Variants in ZNF366 observed in about 807,000 individuals in gnomAD.
The protein encoded by ZNF366 is dendritic cell-specific transcript protein.
ZNF366 carries 20 observed loss-of-function variants against 47.2 expected under a neutral mutation model. That is an observed-to-expected ratio of 0.42 (90% CI 0.30 to 0.62). The LOEUF is 0.62. ZNF366 is among the 20% of genes least tolerant of loss of function. The pLI is 0.16. For synonymous variants in ZNF366, 421 were observed against 395.1 expected (o/e 1.07, Z -0.78); for missense variants, 987 against 976.3 (o/e 1.01, Z -0.15).
At chr5:72,468,295 C>A (rs1329192853) in intron 1 of ZNF366, among the ~76,000 whole-genome samples, 1 of 152,160 alleles carries the variant, frequency 6.6e-6, no homozygotes, top group Non-Finnish European at 1.5e-5. Flanking sequence ...CTGGGCCAGG[C>A]CCCAGGACCC....
chr5:72,478,719 G>C (rs1317413946), intron 1 of ZNF366, among the ~76,000 whole-genome samples: 1 of 152,126 alleles, frequency 6.6e-6, no homozygotes, highest in Admixed American at 6.5e-5. Flanking sequence ...AAAGATTTTT[G>C]CAAAGGGTGG....
chr5:72,477,116 AT>A (rs1743689993), intron 1 of ZNF366, among the ~76,000 whole-genome samples: 1 of 152,186 alleles, frequency 6.6e-6, no homozygotes, highest in South Asian at 2.1e-4. Context: ...TTTCTTTACA[AT>A]ATTAAAAAAA....
chr5:72,460,027 G>C, intron 2 of ZNF366, 138 bp downstream of exon 2: 1 of 1,206,116 alleles, frequency 8.3e-7, no homozygotes, highest in Non-Finnish European at 1.1e-6. Flanking sequence ...GCTCGGCCAA[G>C]GGACCGCTTG....
rs541244615 is a variant in ZNF366 at position 72,461,663 on chromosome 5, C to T, written c.-14-153G>A. On this transcript the variant is annotated intron_variant, in intron 1 of 4. Coordinates refer to ENST00000318442, the MANE Select transcript of ZNF366 (RefSeq NM_152625.3). The stretch of plus-strand genomic sequence containing the variant: ...TTTATCCTAGGGCTGTTCAAAATAT[C>T]GCTTTTCTTTCTCCTTGCAAACCCA... Among the ~76,000 whole-genome samples the T allele has an allele frequency of 5.3e-5, 8 of 152,224 alleles. No homozygotes were observed. In the East Asian group the frequency reaches 9.7e-4, roughly 18 times the overall value.
In ZNF366 at chr5:72,494,912, T is replaced by C. The variant is rs137891179; in HGVS notation, c.-15+12339A>G. ...AATGTAATTTAAGGCACATTTATCA[T>C]GTAAACTGAAACTCACTGTAACTTA... is the stretch of plus-strand genomic sequence containing the variant. On this transcript the variant is annotated intron_variant, in intron 1 of 4. Coordinates refer to ENST00000318442, the MANE Select transcript of ZNF366 (RefSeq NM_152625.3). Among the ~76,000 whole-genome samples the C allele has an allele frequency of 1.1e-4, 17 of 152,330 alleles. No individual in the cohort carries two copies. In the East Asian group the frequency reaches 2.5e-3, roughly 22 times the overall value.
intron 1 of ZNF366, among the ~76,000 whole-genome samples, chr5:72,485,180 CA>C (rs1743869518): frequency 6.6e-6 from 1 of 152,174 alleles, no homozygotes; most frequent in Non-Finnish European, 1.5e-5. Flanking sequence ...TATTTTTCAA[CA>C]TTGACACTCA....
At chr5:72,503,483 G>A (rs868243401) in intron 1 of ZNF366, among the ~76,000 whole-genome samples, 20 of 152,082 alleles carry the variant, frequency 1.3e-4, no homozygotes, top group African/African-American at 4.8e-4. Flanking sequence ...CCCATGAAGT[G>A]GACAGGGCAG....
At chr5:72,464,607 G>C (rs532539754) in intron 1 of ZNF366, among the ~76,000 whole-genome samples, 1 of 151,900 alleles carries the variant, frequency 6.6e-6, no homozygotes, top group Non-Finnish European at 1.5e-5. Flanking sequence ...GTCCCCAAAT[G>C]CAGAGAATTT....
intron 1 of ZNF366, among the ~76,000 whole-genome samples, chr5:72,502,761 T>A (rs554957839): frequency 1.3e-5 from 2 of 152,236 alleles, no homozygotes; most frequent in Non-Finnish European, 2.9e-5. Flanking sequence ...GCTTAGTATC[T>A]GTGTTTTTCT....
At chr5:72,444,501 C>T (rs1055478390) in intron 4 of ZNF366, among the ~76,000 whole-genome samples, 3 of 152,130 alleles carry the variant, frequency 2.0e-5, no homozygotes, top group African/African-American at 7.2e-5. Context: ...CAACATGCAC[C>T]AAAAGCTTTA....
chr5:72,465,017 C>G (rs748556195), intron 1 of ZNF366, among the ~76,000 whole-genome samples: 2 of 151,858 alleles, frequency 1.3e-5, no homozygotes, highest in African/African-American at 2.4e-5. Flanking sequence ...GAGATTGCAC[C>G]ACTGCACTCT....
At chr5:72,491,267 C>T (rs1295375524) in intron 1 of ZNF366, among the ~76,000 whole-genome samples, 1 of 152,204 alleles carries the variant, frequency 6.6e-6, no homozygotes, top group Admixed American at 6.5e-5. Flanking sequence ...TATCTGACAA[C>T]TTTGGGAACC....
intron 1 of ZNF366, among the ~76,000 whole-genome samples, chr5:72,481,633 T>C (rs906351723): frequency 6.6e-6 from 1 of 152,232 alleles, no homozygotes; most frequent in South Asian, 2.1e-4. Flanking sequence ...AATTTATACT[T>C]ATATTACTCA....
intron 1 of ZNF366, among the ~76,000 whole-genome samples, chr5:72,462,547 C>CTTTCTTTCTTTCTTTCTTTTTTTCT (rs11275151): frequency 2.4e-4 from 19 of 78,932 alleles, no homozygotes; most frequent in African/African-American, 1.1e-3. Flanking sequence ...TTCTTTCTTT[C>CTTTCTTTCTTTCTTTCTTTTTTTCT]TTTTTTTTTT....
Position 72,440,860 on chromosome 5 carries a change from T to C in ZNF366, c.*2896A>G, listed in dbSNP as rs1400507487. ...TATTAACCATCAGGTTAGATCTAATTAAGTGTCTTATGCCCAGAGTCAACA... is the reference window on the plus strand; with the variant it reads ...TATTAACCATCAGGTTAGATCTAATCAAGTGTCTTATGCCCAGAGTCAACA... On this transcript the variant is annotated 3_prime_UTR_variant, in exon 5 of 5. Transcript: ENST00000318442. The C allele has an allele frequency of 2.0e-5, 3 of 152,190 alleles. No individual in the cohort carries two copies. The highest frequency in any genetic ancestry group is 7.2e-5 in the African/African-American group (3 of 41,440). 9.4% of individuals were successfully genotyped at this position (152,190 alleles called of 1,614,324 possible). A position where few individuals can be genotyped will look rare whatever the true frequency, so the allele number is the denominator to read the frequency against.
chr5:72,471,464 A>G (rs1375049824), intron 1 of ZNF366, among the ~76,000 whole-genome samples: 1 of 152,170 alleles, frequency 6.6e-6, no homozygotes, highest in East Asian at 1.9e-4. Flanking sequence ...CTAGCTCTAG[A>G]AGGAAATAGA....
At chr5:72,500,925 T>C (rs1302545321) in intron 1 of ZNF366, among the ~76,000 whole-genome samples, 1 of 152,204 alleles carries the variant, frequency 6.6e-6, no homozygotes, top group Non-Finnish European at 1.5e-5. Flanking sequence ...AGGATACATA[T>C]TTGTTTTAAA....
At chr5:72,464,239 T>A (rs1367961637) in intron 1 of ZNF366, among the ~76,000 whole-genome samples, 1 of 152,210 alleles carries the variant, frequency 6.6e-6, no homozygotes, top group African/African-American at 2.4e-5. Context: ...AGTTACTTCT[T>A]CTTAAGTACA....
At chr5:72,499,359 C>T (rs747276127) in intron 1 of ZNF366, among the ~76,000 whole-genome samples, 51 of 152,088 alleles carry the variant, frequency 3.4e-4, no homozygotes, top group Non-Finnish European at 6.5e-4. Context: ...CCTCCTTGCC[C>T]AGATCTCTGA....
Sources: allele counts gnomAD v4.1 joint callset (sites outside exome capture counted in the v4.1 genomes callset), GRCh38; gene constraint gnomAD v4.1.1; transcripts MANE v1.5; gene names NCBI Gene and HGNC (gene_info 2026-07-23, HGNC 2026-07-21).